YARS1: variants seen among roughly 807,000 people sequenced by gnomAD.
The protein encoded by YARS1 is tyrosyl-tRNA synthetase 1.
A neutral mutation model predicts 62.2 loss-of-function variants in YARS1; 36 were observed. That is an observed-to-expected ratio of 0.58 (90% CI 0.44 to 0.76). The LOEUF is 0.76. YARS1 is among the 30% of genes least tolerant of loss of function. YARS1 has a pLI of 0.00. For synonymous variants in YARS1, 234 were observed against 244.9 expected, an observed-to-expected ratio of 0.96 and a Z score of 0.42; for missense variants, 524 against 639.8, an observed-to-expected ratio of 0.82 and a Z score of 1.95.
Position 32,776,693 on chromosome 1 carries a change from G to A in YARS1, c.1477-602C>T, listed in dbSNP as rs182767150. 2.0e-5 allele frequency among the ~76,000 whole-genome samples: 3 copies of A among 152,256 alleles called. No individual in the cohort carries two copies. Among genetic ancestry groups the A allele is most frequent in the Admixed American group, 1.3e-4 (2 of 15,304 alleles). Reference sequence around the variant, plus strand: ...TAAGAGTTTAGTTAGATTGCCGGGCGTGGTGGCTCACACCTATAATCCCAG... The same window carrying A: ...TAAGAGTTTAGTTAGATTGCCGGGCATGGTGGCTCACACCTATAATCCCAG... On this transcript the variant is annotated intron_variant, in intron 12 of 12. Coordinates refer to ENST00000373477, the MANE Select transcript of YARS1 (RefSeq NM_003680.4). This position sits in a 1 kb window ranked among gnomAD's most constrained non-coding sequence, Gnocchi z 4.0.
chr1:32,791,550 C>T (rs1653412541), intron 5 of YARS1, among the ~76,000 whole-genome samples: 1 of 152,122 alleles, frequency 6.6e-6, no homozygotes, highest in South Asian at 2.1e-4. Context: ...ACCTGTAATC[C>T]CAGCACTTTG....
chr1:32,809,075 ATTTCTTTTTCTTTCT>A (rs1422457562), intron 3 of YARS1, among the ~76,000 whole-genome samples: 1 of 151,594 alleles, frequency 6.6e-6, no homozygotes, highest in African/African-American at 2.4e-5. Context: ...TTATTTATTC[ATTTCTTTTTCTTTCT>A]TTTCTTTTTT....
intron 9 of YARS1, 55 bp downstream of exon 9, chr1:32,782,349 C>T (rs982078794): frequency 1.9e-6 from 3 of 1,613,410 alleles, no homozygotes; most frequent in African/African-American, 2.7e-5. Flanking sequence ...TTTTCCAAGG[C>T]TCATTGACAA....
At chr1:32,789,829 A>G (rs1202591372) in intron 6 of YARS1, among the ~76,000 whole-genome samples, 13 of 147,230 alleles carry the variant, frequency 8.8e-5, no homozygotes, top group Admixed American at 8.8e-4. Flanking sequence ...ACCTCAGGTG[A>G]TCCACCCGCC....
At chr1:32,787,521 T>C (rs1653269120) in intron 6 of YARS1, among the ~76,000 whole-genome samples, 1 of 150,374 alleles carries the variant, frequency 6.7e-6, no homozygotes, top group Non-Finnish European at 1.5e-5. Context: ...GATTTTTTTT[T>C]TTTTTTGAGA....
chr1:32,780,314 C>T (rs368899441), intron 10 of YARS1, 36 bp from the exon 11 acceptor site: 33 of 1,612,322 alleles, frequency 2.0e-5, no homozygotes, highest in African/African-American at 1.6e-4. Context: ...AGAGGATCAT[C>T]GTCCATTAGA....
intron 3 of YARS1, among the ~76,000 whole-genome samples, chr1:32,809,833 C>T (rs992871533): frequency 6.6e-6 from 1 of 152,162 alleles, no homozygotes; most frequent in East Asian, 1.9e-4. Flanking sequence ...AGGCTGGGCG[C>T]AGTGGCTTAT....
Position 32,776,103 on chromosome 1 carries a change from A to T in YARS1, c.1477-12T>A, listed in dbSNP as rs1227472043. 1 of 1,604,590 alleles carries T rather than the reference A, an allele frequency of 6.2e-7. No individual in the cohort carries two copies. The highest frequency in any genetic ancestry group is 2.2e-5 in the East Asian group (1 of 44,824). On this transcript the variant is annotated splice_polypyrimidine_tract_variant and intron_variant, in intron 12 of 12. Coordinates refer to ENST00000373477, the MANE Select transcript of YARS1 (RefSeq NM_003680.4). This position sits in a 1 kb window ranked among gnomAD's most constrained non-coding sequence, Gnocchi z 4.0. ...ATTTTGAAGTCAGCCTGGACAAGACAGATAAGAGAGATTTTAATGATGGTG... is the reference window on the plus strand; with the variant it reads ...ATTTTGAAGTCAGCCTGGACAAGACTGATAAGAGAGATTTTAATGATGGTG...
At chr1:32,809,285 G>A (rs952854133) in intron 3 of YARS1, among the ~76,000 whole-genome samples, 2 of 151,990 alleles carry the variant, frequency 1.3e-5, no homozygotes, top group South Asian at 2.1e-4. Flanking sequence ...ATGGGGTTTC[G>A]CCATGTTGGC....
intron 4 of YARS1, among the ~76,000 whole-genome samples, chr1:32,805,022 G>C (rs1036696088): frequency 1.3e-5 from 2 of 152,160 alleles, no homozygotes; most frequent in Non-Finnish European, 2.9e-5. Context: ...CTCGCGGTCA[G>C]GAGCTGGAGA....
chr1:32,815,286 T>G (rs1052441639), intron 1 of YARS1, among the ~76,000 whole-genome samples: 2 of 152,184 alleles, frequency 1.3e-5, no homozygotes, highest in African/African-American at 4.8e-5. Flanking sequence ...GAGGCAGAGG[T>G]TGCAGTGAGC....
chr1:32,802,788 T>C (rs968664843), intron 4 of YARS1, among the ~76,000 whole-genome samples: 2 of 152,106 alleles, frequency 1.3e-5, no homozygotes, highest in African/African-American at 2.4e-5. Flanking sequence ...TGTTGTTCCA[T>C]TTATAGAGCT....
chr1:32,807,641 A>G (rs140991283), intron 3 of YARS1, among the ~76,000 whole-genome samples: 5 of 151,946 alleles, frequency 3.3e-5, no homozygotes, highest in African/African-American at 1.2e-4. Flanking sequence ...TATTTTTTGT[A>G]GAGACGTGGT....
chr1:32,787,176 C>A (rs893488620), intron 6 of YARS1, 101 bp from the exon 7 acceptor site: 2 of 1,433,014 alleles, frequency 1.4e-6, no homozygotes, highest in Admixed American at 1.9e-5. Context: ...GTCACCCAGG[C>A]TGGAGTGCAG....
chr1:32,781,044 G>A lies in YARS1; in HGVS notation c.1140+4C>T, dbSNP rs377642509. The A allele has an allele frequency of 2.5e-6, 4 of 1,613,558 alleles. No individual in the cohort carries two copies. The highest frequency in any genetic ancestry group is 3.4e-6 in the Non-Finnish European group (4 of 1,179,544). On this transcript the variant is annotated splice_donor_region_variant and intron_variant, in intron 10 of 12. Coordinates refer to ENST00000373477, the MANE Select transcript of YARS1 (RefSeq NM_003680.4). ...CTCTCTGAGATGTGGTGAAAAATGA[G>A]TACCTTCTCCACAGTGATGATTTTC...
Position 32,780,293 on chromosome 1 carries a change from C to G in YARS1, c.1141-15G>C. 6 of 1,613,774 alleles carry G rather than the reference C, an allele frequency of 3.7e-6. No individual in the cohort carries two copies. The highest frequency in any genetic ancestry group is 5.1e-6 in the Non-Finnish European group (6 of 1,179,996). On this transcript the variant is annotated splice_polypyrimidine_tract_variant and intron_variant, in intron 10 of 12. Transcript: ENST00000373477. ...GCATCTGGGTGCTGCCAGGGAGAGA[C>G]GTCAGGAGGAAGAGGATCATCGTCC...
At position 32,797,804 on chromosome 1, in the gene YARS1, C is replaced by T. The variant is rs1475852876; in HGVS notation, c.550G>A (p.Gly184Arg). The T allele has an allele frequency of 6.2e-7, 1 of 1,614,206 alleles. No homozygotes were observed. Among genetic ancestry groups the T allele is most frequent in the Non-Finnish European group, 8.5e-7 (1 of 1,180,044 alleles). The change falls in exon 5 of 13, where the codon GGA (glycine) becomes AGA (arginine). Residue 184 changes from glycine (G) to arginine (R), a missense_variant. Physicochemically the swap from Gly to Arg is moderately radical, Grantham distance 125. Transcript: ENST00000373477. Reference protein sequence around the residue: ...EEYLKVDAQFGGIDQRKIFTF... With the variant: ...EEYLKVDAQFRGIDQRKIFTF... ...AAAATCTTTCTCTGATCAATGCCTC[C>T]AAATTGGGCATCTACTTTTAAATAC...
At position 32,791,177 on chromosome 1, in the gene YARS1, C is replaced by A; in HGVS notation, c.669G>T (p.Met223Ile). The A allele has an allele frequency of 6.2e-7, 1 of 1,614,024 alleles. No individual in the cohort carries two copies. Among genetic ancestry groups the A allele is most frequent in the Non-Finnish European group, 8.5e-7 (1 of 1,179,956 alleles). ...PMVPGLTGSK[M>I]SSSEEESKID... Reference sequence around the variant, plus strand: ...GGCAACTTACCTCTTCTGAAGAGCTCATTTTGCTGCCTGTTAATCCTGGAA... The same window carrying A: ...GGCAACTTACCTCTTCTGAAGAGCTAATTTTGCTGCCTGTTAATCCTGGAA... Residue 223 changes from methionine to isoleucine, a missense_variant, in exon 6 of 13, where the codon ATG becomes ATT. Met to Ile is a conservative substitution (Grantham distance 10). Coordinates refer to ENST00000373477, the MANE Select transcript of YARS1 (RefSeq NM_003680.4).
rs764584188 is a variant in YARS1, at chr1:32,781,071, C to A, written c.1117G>T (p.Gly373Trp). 6.2e-7 allele frequency: 1 copy of A among 1,614,202 alleles called. No homozygotes were observed. Residue 373 changes from glycine to tryptophan, a missense_variant, in exon 10 of 13, where the codon GGG becomes TGG. Physicochemically the swap from Gly to Trp is radical, Grantham distance 184. Transcript: ENST00000373477. Reference sequence around the variant, plus strand: ...ACCTTCTCCACAGTGATGATTTTCCCCACACGGATATCCAGCCGGGATGGG... The same window carrying A: ...ACCTTCTCCACAGTGATGATTTTCCACACACGGATATCCAGCCGGGATGGG... The part of the protein sequence containing the change: ...VIPSRLDIRV[G>W]KIITVEKHPD...
Sources: allele counts gnomAD v4.1 joint callset (sites outside exome capture counted in the v4.1 genomes callset), GRCh38; gene constraint gnomAD v4.1.1; non-coding constraint Gnocchi (gnomAD v3.1); transcripts MANE v1.5; gene names NCBI Gene and HGNC (gene_info 2026-07-23, HGNC 2026-07-21).